Variants in CYP4F11 observed in about 807,000 individuals in gnomAD.
The protein encoded by CYP4F11 is cytochrome P450 4F11.
Under a neutral mutation model 62.2 loss-of-function variants are expected in CYP4F11, and 79 were observed. That is an observed-to-expected ratio of 1.27 (90% CI 1.06 to 1.53). CYP4F11 has a LOEUF of 1.53. Ranked by LOEUF, CYP4F11 falls within the 40% of genes most tolerant of loss-of-function variation. The pLI, the probability that CYP4F11 is intolerant of heterozygous loss-of-function variation, is 0.00. For synonymous variants in CYP4F11, 290 were observed against 263.7 expected, an observed-to-expected ratio of 1.10 and a Z score of -0.97; for missense variants, 777 against 680.5, an observed-to-expected ratio of 1.14 and a Z score of -1.58.
chr19:15,914,288 A>T lies in CYP4F11; in HGVS notation c.1397+17T>A. ...ACCCATCATGCCATCTCTGCCTCAGACACAGGCCATCCTTACCTGGGCCCT... is the reference window on the plus strand; with the variant it reads ...ACCCATCATGCCATCTCTGCCTCAGTCACAGGCCATCCTTACCTGGGCCCT... On this transcript the variant is annotated intron_variant, in intron 11 of 11. Coordinates refer to ENST00000402119, the MANE Select transcript of CYP4F11 (RefSeq NM_021187.4). 6.2e-7 allele frequency: 1 copy of T among 1,612,920 alleles called. No individual in the cohort carries two copies. Among genetic ancestry groups the T allele is most frequent in the East Asian group, 2.2e-5 (1 of 44,866 alleles).
chr19:15,934,091 C>G (rs2145065076), intron 1 of CYP4F11, 120 bp downstream of exon 1: 3 of 1,006,464 alleles, frequency 3.0e-6, no homozygotes, highest in Non-Finnish European at 1.5e-6. Context: ...CTGCCTCCCT[C>G]TCTTCTCTGT....
chr19:15,916,579 G>C (rs569782399), intron 8 of CYP4F11, among the ~76,000 whole-genome samples: 1 of 151,952 alleles, frequency 6.6e-6, no homozygotes, highest in Admixed American at 6.6e-5. Context: ...AAATCAGCAA[G>C]CAAAAAATCA....
Position 15,922,110 on chromosome 19 carries a change from G to C in CYP4F11, c.1042C>G (p.Pro348Ala), listed in dbSNP as rs1359159169. 1 of 1,614,040 alleles carries C rather than the reference G, an allele frequency of 6.2e-7. No individual in the cohort carries two copies. The highest frequency in any genetic ancestry group is 2.2e-5 in the East Asian group (1 of 44,884). Residue 348 changes from proline (P) to alanine (A), a missense_variant, in exon 8 of 12, where the codon CCA becomes GCA. By Grantham distance (27) the Pro-to-Ala change is conservative (BLOSUM62 -1). Coordinates refer to ENST00000402119, the MANE Select transcript of CYP4F11 (RefSeq NM_021187.4). ...TGCCGGCACTGTTCCTGGTATTCTGGGTGCTTTGCAAGGTGGTATAGGACC... is the reference window on the plus strand; with the variant it reads ...TGCCGGCACTGTTCCTGGTATTCTGCGTGCTTTGCAAGGTGGTATAGGACC... ...SWVLYHLAKHPEYQEQCRQEV... is the reference protein window; with the variant it reads ...SWVLYHLAKHAEYQEQCRQEV...
intron 5 of CYP4F11, among the ~76,000 whole-genome samples, chr19:15,924,324 A>G (rs1002478388): frequency 8.6e-5 from 13 of 151,934 alleles, no homozygotes; most frequent in African/African-American, 2.9e-4. Context: ...TCCAGCCTGC[A>G]CTCTTTTCCT....
intron 1 of CYP4F11, among the ~76,000 whole-genome samples, 138 bp downstream of exon 1, chr19:15,934,054 GAGTGAGTGGGCAGAGGAAT>G (rs2089754924): frequency 1.4e-5 from 2 of 141,276 alleles, no homozygotes; most frequent in East Asian, 2.1e-4. Context: ...GGAGAGGAAT[GAGTGAGTGGGCAGAGGAAT>G]GAGTGAGCTG....
intron 8 of CYP4F11, among the ~76,000 whole-genome samples, chr19:15,918,736 C>G (rs2089600238): frequency 6.6e-6 from 1 of 152,042 alleles, no homozygotes; most frequent in South Asian, 2.1e-4. Flanking sequence ...CAACAGAATG[C>G]TAGTACCATA....
At chr19:15,917,120 CA>C (rs2089589323) in intron 8 of CYP4F11, among the ~76,000 whole-genome samples, 1 of 152,078 alleles carries the variant, frequency 6.6e-6, no homozygotes, top group Non-Finnish European at 1.5e-5. Context: ...ATGTCTTTTG[CA>C]ACAACTTGGA....
chr19:15,917,390 T>C (rs1220940587), intron 8 of CYP4F11, among the ~76,000 whole-genome samples: 2 of 152,016 alleles, frequency 1.3e-5, no homozygotes, highest in Non-Finnish European at 2.9e-5. Flanking sequence ...CACCCCCAAA[T>C]TACTGAAATA....
At position 15,934,482 on chromosome 19, in the gene CYP4F11, GA is replaced by G; in HGVS notation, c.-75del. ...GGCCCAGGAAGCTCCAAGGACAGTGGAAAGGGGCAAGGATGGGCAGTGCTGG... is the reference window on the plus strand; with the variant it reads ...GGCCCAGGAAGCTCCAAGGACAGTGGAAGGGGCAAGGATGGGCAGTGCTGG... On this transcript the variant is annotated 5_prime_UTR_variant, in exon 1 of 12. Coordinates refer to ENST00000402119, the MANE Select transcript of CYP4F11 (RefSeq NM_021187.4). The G allele has an allele frequency of 1.3e-6, 2 of 1,551,510 alleles. No individual in the cohort carries two copies. Among genetic ancestry groups the G allele is most frequent in the Non-Finnish European group, 1.7e-6 (2 of 1,150,376 alleles).
At chr19:15,915,422 G>A (rs987738281) in intron 8 of CYP4F11, among the ~76,000 whole-genome samples, 5 of 152,150 alleles carry the variant, frequency 3.3e-5, no homozygotes, top group Non-Finnish European at 5.9e-5. Context: ...GAGCTGAATT[G>A]TTTGCTTAAT....
intron 8 of CYP4F11, 150 bp downstream of exon 8, chr19:15,921,887 T>A (rs11086013): frequency 3.7e-5 from 35 of 946,508 alleles, no homozygotes; most frequent in Non-Finnish European, 4.8e-5. Flanking sequence ...CCTGCTGGCC[T>A]GGCTGTGTAT....
chr19:15,915,825 C>T (rs987257037), intron 8 of CYP4F11, among the ~76,000 whole-genome samples: 4 of 151,524 alleles, frequency 2.6e-5, no homozygotes, highest in African/African-American at 7.3e-5. Context: ...TAAACATTGT[C>T]CTATTATAAG....
At chr19:15,934,647 A>G (rs935871653), upstream of CYP4F11, 12 of 470,726 alleles carry the variant, frequency 2.5e-5, no homozygotes, top group Non-Finnish European at 4.0e-5. Context: ...TTAGAATCCA[A>G]AAAGGCCCAG....
intron 4 of CYP4F11, 99 bp downstream of exon 4, chr19:15,927,113 A>G (rs2089674583): frequency 2.2e-6 from 3 of 1,357,710 alleles, no homozygotes; most frequent in Non-Finnish European, 3.0e-6. Context: ...AGAGAGGAAG[A>G]GCATTGTCCC....
upstream of CYP4F11, chr19:15,934,721 C>T (rs147606182): frequency 5.1e-3 from 1,579 of 308,254 alleles, 3 homozygotes; most frequent in Non-Finnish European, 7.1e-3. Flanking sequence ...CCCAGGCCAG[C>T]AGCCTTGACC....
At chr19:15,919,873 G>C (rs560412303) in intron 8 of CYP4F11, among the ~76,000 whole-genome samples, 2 of 152,226 alleles carry the variant, frequency 1.3e-5, no homozygotes, top group South Asian at 4.1e-4. Flanking sequence ...GCTAAAATAG[G>C]TTACATAGAA....
At chr19:15,916,968 C>T (rs977903169) in intron 8 of CYP4F11, among the ~76,000 whole-genome samples, 4 of 152,146 alleles carry the variant, frequency 2.6e-5, no homozygotes, top group Admixed American at 2.6e-4. Context: ...AAGACACATG[C>T]ACACGCATGC....
At chr19:15,919,477 T>TAGATAGAC (rs2089607964) in intron 8 of CYP4F11, among the ~76,000 whole-genome samples, 1 of 98,512 alleles carries the variant, frequency 1.0e-5, no homozygotes. Flanking sequence ...GATGTATAGA[T>TAGATAGAC]AGATAGATAG....
chr19:15,913,897 C>A lies in CYP4F11; in HGVS notation c.1410G>T (p.Gly470=). The part of the protein sequence containing the change: ...PFSAGPRNCI[G]QAFAMAEMKV... The stretch of plus-strand genomic sequence containing the variant: ...TCATCTCAGCCATGGCGAACGCCTG[C>A]CCGATGCAGTTTCTGGGGGCAAAAG... The change falls in exon 12 of 12, where the codon GGG becomes GGT. Residue 470 remains glycine, a synonymous_variant. Coordinates refer to ENST00000402119, the MANE Select transcript of CYP4F11 (RefSeq NM_021187.4). 3 of 1,612,608 alleles carry A rather than the reference C, an allele frequency of 1.9e-6. No homozygotes were observed. The highest frequency in any genetic ancestry group is 2.2e-5 in the South Asian group (2 of 90,800).
Sources: gnomAD v4.1 joint callset for allele counts (sites outside exome capture counted in the v4.1 genomes callset) on GRCh38, gnomAD v4.1.1 for gene constraint, MANE v1.5 for transcripts, NCBI Gene and HGNC (gene_info 2026-07-23, HGNC 2026-07-21) for gene names.